Variants in ROBO2 observed in about 807,000 individuals in gnomAD.
ROBO2 encodes roundabout guidance receptor 2.
Under a neutral mutation model 160.8 loss-of-function variants are expected in ROBO2, and 53 were observed. That is an observed-to-expected ratio of 0.33 (90% confidence interval 0.26 to 0.41). ROBO2 has a LOEUF of 0.41. Among genes scored for constraint, ROBO2 ranks in the 10% least tolerant of loss-of-function variants. The pLI is 1.00. For synonymous variants in ROBO2, 664 were observed against 611.7 expected (o/e 1.09, Z -1.26); for missense variants, 1,577 against 1,722.4 (o/e 0.92, Z 1.49).
intron 2 of ROBO2, among the ~76,000 whole-genome samples, chr3:76,558,870 G>C (rs2083981107): frequency 6.6e-6 from 1 of 152,152 alleles, no homozygotes; most frequent in Admixed American, 6.5e-5. Context: ...TGAAGAGTCT[G>C]CTTAAACATT....
intron 2 of ROBO2, among the ~76,000 whole-genome samples, chr3:76,179,156 A>C (rs1701377197): frequency 6.6e-6 from 1 of 152,150 alleles, no homozygotes; most frequent in Admixed American, 6.5e-5. Flanking sequence ...ATTAATAATT[A>C]ATAATGAGAC....
intron 2 of ROBO2, among the ~76,000 whole-genome samples, chr3:77,259,487 G>A (rs2058643400): frequency 2.6e-5 from 4 of 152,154 alleles, no homozygotes; most frequent in Admixed American, 2.6e-4. Flanking sequence ...CTAAGAGGTT[G>A]TGTTATAAAT....
At chr3:76,175,311 A>G (rs922171814) in intron 2 of ROBO2, among the ~76,000 whole-genome samples, 1 of 151,858 alleles carries the variant, frequency 6.6e-6, no homozygotes, top group African/African-American at 2.4e-5. Flanking sequence ...CTGCAAACAG[A>G]TGACATGATT....
chr3:76,551,150 C>T (rs1437674070), intron 2 of ROBO2, among the ~76,000 whole-genome samples: 1 of 152,076 alleles, frequency 6.6e-6, no homozygotes, highest in Non-Finnish European at 1.5e-5. Flanking sequence ...CATGAACTTT[C>T]TCCCTTCTGA....
At chr3:76,878,916 G>A (rs763960806) in intron 2 of ROBO2, among the ~76,000 whole-genome samples, 3 of 151,900 alleles carry the variant, frequency 2.0e-5, no homozygotes, top group African/African-American at 4.8e-5. Flanking sequence ...TCCTTCTCAG[G>A]TATTTACAGA....
At chr3:76,957,692 G>T (rs543019761) in intron 2 of ROBO2, among the ~76,000 whole-genome samples, 21 of 151,890 alleles carry the variant, frequency 1.4e-4, no homozygotes, top group Non-Finnish European at 2.8e-4. Context: ...TTAGCCTGGC[G>T]TGGTGGCACG....
At chr3:76,140,999 T>A in intron 2 of ROBO2, among the ~76,000 whole-genome samples, 1 of 132,054 alleles carries the variant, frequency 7.6e-6, no homozygotes, top group African/African-American at 2.8e-5. Flanking sequence ...CTTGGAAAGT[T>A]GATGAGGCAT....
chr3:77,612,299 G>A (rs1320567112), intron 21 of ROBO2, among the ~76,000 whole-genome samples: 1 of 152,142 alleles, frequency 6.6e-6, no homozygotes, highest in East Asian at 1.9e-4. Flanking sequence ...TAAAAACAGG[G>A]CTACACTTCA....
intron 2 of ROBO2, among the ~76,000 whole-genome samples, chr3:76,961,162 G>C (rs1211336957): frequency 1.4e-5 from 2 of 145,640 alleles, no homozygotes; most frequent in African/African-American, 5.1e-5. Context: ...CTGCCATAAG[G>C]TTTGTTGAAA....
At chr3:76,426,304 A>T (rs2076218363) in intron 2 of ROBO2, among the ~76,000 whole-genome samples, 1 of 152,170 alleles carries the variant, frequency 6.6e-6, no homozygotes, top group Non-Finnish European at 1.5e-5. Flanking sequence ...AATGTGCCTC[A>T]GATATAAAGT....
intron 2 of ROBO2, among the ~76,000 whole-genome samples, chr3:77,401,884 A>C (rs1460441208): frequency 6.6e-6 from 1 of 152,154 alleles, no homozygotes; most frequent in African/African-American, 2.4e-5. Flanking sequence ...CTCCTACCAA[A>C]AGTGTAAAAG....
intron 6 of ROBO2, among the ~76,000 whole-genome samples, chr3:77,543,403 A>G (rs1257743471): frequency 1.3e-5 from 2 of 152,178 alleles, no homozygotes; most frequent in South Asian, 2.1e-4. Context: ...TAAATGGATG[A>G]ATTATGTCTT....
intron 1 of ROBO2, among the ~76,000 whole-genome samples, chr3:77,070,582 G>A (rs1413309538): frequency 6.6e-6 from 1 of 152,028 alleles, no homozygotes; most frequent in African/African-American, 2.4e-5. Context: ...ATTTTGCAGG[G>A]GGACACACTA....
chr3:76,480,243 G>C (rs1030609457), intron 2 of ROBO2, among the ~76,000 whole-genome samples: 4 of 151,956 alleles, frequency 2.6e-5, no homozygotes, highest in Admixed American at 6.6e-5. Flanking sequence ...TCCTAGAATA[G>C]TGATATCCTC....
At chr3:77,323,256 A>G (rs893228343) in intron 2 of ROBO2, among the ~76,000 whole-genome samples, 20 of 151,342 alleles carry the variant, frequency 1.3e-4, no homozygotes, top group African/African-American at 3.6e-4. Flanking sequence ...AGGATTTCCA[A>G]CTGCCCAGGA....
intron 2 of ROBO2, among the ~76,000 whole-genome samples, chr3:77,288,910 G>C (rs2060816869): frequency 6.6e-6 from 1 of 152,080 alleles, no homozygotes; most frequent in Non-Finnish European, 1.5e-5. Context: ...TTGAAAGTTA[G>C]AAGTAAAGTT....
intron 2 of ROBO2, among the ~76,000 whole-genome samples, chr3:76,473,356 T>C (rs1577443450): frequency 6.6e-6 from 1 of 152,142 alleles, no homozygotes; most frequent in Non-Finnish European, 1.5e-5. Context: ...GTACGATTCA[T>C]TTTGATGTGT....
Position 76,403,235 on chromosome 3 carries a change from C to T in ROBO2, c.109+465633C>T, listed in dbSNP as rs540840654. On this transcript the variant is annotated intron_variant, in intron 2 of 26. Transcript: ENST00000487694. Reference sequence around the variant, plus strand: ...TCAGATAGAAGGAGTATCTCAAGAGCAGATCATTCAGCAAGGTTTTTTTCT... The same window carrying T: ...TCAGATAGAAGGAGTATCTCAAGAGTAGATCATTCAGCAAGGTTTTTTTCT... 3.3e-5 allele frequency among the ~76,000 whole-genome samples: 5 copies of T among 151,648 alleles called. No individual in the cohort carries two copies. In the South Asian group the frequency reaches 1.0e-3, roughly 32 times the overall value.
chr3:77,574,545 G>A lies in ROBO2; in HGVS notation c.2018G>A (p.Arg673His), dbSNP rs376737394. 228 of 1,613,212 alleles carry A rather than the reference G, an allele frequency of 1.4e-4. 2 individuals are homozygous for A. The highest frequency in any genetic ancestry group is 4.7e-4 in the East Asian group (21 of 44,842). The change falls in exon 14 of 26, where the codon CGT becomes CAT. Residue 673 changes from arginine (R) to histidine (H), a missense_variant. By Grantham distance (29) the Arg-to-His change is conservative. Transcript: ENST00000461745. ...ATCCAAGGCTACCGAGTGATGTATC[G>A]TCAGACTTCAGGTCTGCAGGCGACA...
Sources: allele counts gnomAD v4.1 joint callset (sites outside exome capture counted in the v4.1 genomes callset), GRCh38; gene constraint gnomAD v4.1.1; transcripts MANE v1.5; gene names NCBI Gene and HGNC (gene_info 2026-07-23, HGNC 2026-07-21).